Variants in NF1 observed in about 807,000 individuals in gnomAD.
The protein encoded by NF1 is neurofibromin 1.
Under a neutral mutation model 325.7 loss-of-function variants are expected in NF1, and 122 were observed. The observed-to-expected ratio is 0.37, with a 90% CI of 0.32 to 0.44. NF1 has a LOEUF of 0.44. NF1 is among the 20% of genes least tolerant of loss of function. The pLI, the probability that NF1 is intolerant of heterozygous loss-of-function variation, is 1.00. For missense variants in NF1, 2,140 were observed against 3,415.4 expected (o/e 0.63, Z 9.31); for synonymous variants, 1,091 against 1,186.0 (o/e 0.92, Z 1.65).
At chr17:31,277,795 C>T (rs1266487566) in intron 36 of NF1, among the ~76,000 whole-genome samples, 1 of 152,230 alleles carries the variant, frequency 6.6e-6, no homozygotes, top group Non-Finnish European at 1.5e-5. Flanking sequence ...TGTCTGCTTT[C>T]TGCTAACTGC....
chr17:31,105,888 G>A (rs962040518), intron 1 of NF1, among the ~76,000 whole-genome samples: 2 of 152,112 alleles, frequency 1.3e-5, no homozygotes, highest in African/African-American at 4.8e-5. Context: ...CCAGCAGAGT[G>A]GTATATCTAG....
chr17:31,101,422 A>C (rs993713572), intron 1 of NF1, among the ~76,000 whole-genome samples: 3 of 152,152 alleles, frequency 2.0e-5, no homozygotes, highest in Admixed American at 6.5e-5. Flanking sequence ...TGGCTAGAAA[A>C]TCTTTTAGAT....
intron 13 of NF1, among the ~76,000 whole-genome samples, chr17:31,216,424 C>G (rs767351141): frequency 1.3e-5 from 2 of 152,118 alleles, no homozygotes; most frequent in African/African-American, 4.8e-5. Context: ...ACCATTTTGT[C>G]TTTTACATAA....
rs17881842 is a variant in NF1, at chr17:31,232,342, AT to A, written c.3314+157del. ...TAAAGAAAGTAATATGATCAGTGAAATTTTGCTTATAATAAAACCCAGATTG... is the reference window on the plus strand; with the variant it reads ...TAAAGAAAGTAATATGATCAGTGAAATTTGCTTATAATAAAACCCAGATTG... On this transcript the variant is annotated intron_variant, in intron 25 of 57. Coordinates refer to ENST00000358273, the MANE Select transcript of NF1 (RefSeq NM_001042492.3). 0.025 allele frequency among the ~76,000 whole-genome samples: 3,787 copies of A among 152,154 alleles called. 68 individuals are homozygous for A. The highest frequency in any genetic ancestry group is 0.037 in the Middle Eastern group (11 of 294).
At chr17:31,110,911 C>T (rs536916187) in intron 1 of NF1, among the ~76,000 whole-genome samples, 11 of 151,430 alleles carry the variant, frequency 7.3e-5, no homozygotes, top group East Asian at 1.9e-4. Flanking sequence ...AAAACAAAAA[C>T]AAAAAAAACC....
chr17:31,331,099 C>T (rs2069474716), intron 39 of NF1: 1 of 151,962 alleles, frequency 6.6e-6, no homozygotes, highest in African/African-American at 2.4e-5. Flanking sequence ...CTTCCCTTTC[C>T]TTTCCCTGTA....
chr17:31,174,957 A>C (rs1463596316), intron 5 of NF1, among the ~76,000 whole-genome samples: 1 of 151,884 alleles, frequency 6.6e-6, no homozygotes, highest in Non-Finnish European at 1.5e-5. Flanking sequence ...AAAAATACAA[A>C]AATTAGCTGG....
rs377165136 is a variant in NF1, at chr17:31,206,194, C to A, written c.1261-46C>A. The A allele has an allele frequency of 1.7e-5, 28 of 1,608,814 alleles. No individual in the cohort carries two copies. In the South Asian group the frequency reaches 2.6e-4, roughly 15 times the overall value. Reference sequence around the variant, plus strand: ...AGTGATAAACAGAGCATACAACTCACGTAATTTTGTACTTTTTCTTCCTAT... The same window carrying A: ...AGTGATAAACAGAGCATACAACTCAAGTAATTTTGTACTTTTTCTTCCTAT... On this transcript the variant is annotated intron_variant, in intron 11 of 57. Coordinates refer to ENST00000358273, the MANE Select transcript of NF1 (RefSeq NM_001042492.3).
intron 31 of NF1, among the ~76,000 whole-genome samples, chr17:31,254,500 C>T (rs1292134110): frequency 1.3e-5 from 2 of 152,022 alleles, no homozygotes; most frequent in Non-Finnish European, 2.9e-5. Flanking sequence ...GTTTCTAATG[C>T]TTCAGCCTTC....
intron 36 of NF1, among the ~76,000 whole-genome samples, chr17:31,288,360 A>C (rs1460939091): frequency 2.0e-5 from 3 of 152,112 alleles, no homozygotes; most frequent in Non-Finnish European, 4.4e-5. Flanking sequence ...AATCTGCTTA[A>C]CACATTATTA....
intron 38 of NF1, 55 bp from the exon 39 acceptor site, chr17:31,330,241 T>C (rs2069446256): frequency 6.7e-7 from 1 of 1,489,934 alleles, no homozygotes; most frequent in South Asian, 1.1e-5. Context: ...GAAAAAATTT[T>C]GGAACTATAA....
chr17:31,296,612 A>G, intron 36 of NF1: 1 of 407,588 alleles, frequency 2.5e-6, no homozygotes, highest in Non-Finnish European at 4.6e-6. Flanking sequence ...TTCTAACCAT[A>G]TTCTTTCTTA....
chr17:31,353,997 G>A (rs1480339598), intron 51 of NF1, among the ~76,000 whole-genome samples: 1 of 152,190 alleles, frequency 6.6e-6, no homozygotes, highest in Non-Finnish European at 1.5e-5. Flanking sequence ...TAATCATTTA[G>A]GAGTTTCCTG....
intron 24 of NF1, 64 bp from the exon 25 acceptor site, chr17:31,232,009 A>C: frequency 1.1e-6 from 1 of 917,990 alleles, no homozygotes; most frequent in Non-Finnish European, 1.7e-6. Flanking sequence ...ATTTGAGGGG[A>C]AGTGAAAGAA....
In NF1 at chr17:31,205,402, G is replaced by A. The variant is rs527685072; in HGVS notation, c.1261-838G>A. 5.3e-5 allele frequency among the ~76,000 whole-genome samples: 8 copies of A among 152,194 alleles called. No homozygotes were observed. The East Asian group carries it at 1.3e-3, about 26-fold the overall frequency. On this transcript the variant is annotated intron_variant, in intron 11 of 57. Transcript: ENST00000358273. ...GTCATTTAATGCATAGTCTACATAT[G>A]TAGTGAAAATTCATCCAGTCAGTTT...
intron 56 of NF1, chr17:31,359,321 A>G: frequency 2.7e-6 from 1 of 375,260 alleles, no homozygotes; most frequent in Non-Finnish European, 4.9e-6. Flanking sequence ...CTTAATGCAC[A>G]CAGTTAGATA....
At chr17:31,248,644 C>G (rs1361209960) in intron 29 of NF1, among the ~76,000 whole-genome samples, 1 of 152,118 alleles carries the variant, frequency 6.6e-6, no homozygotes, top group Non-Finnish European at 1.5e-5. Context: ...AAGTGATTCT[C>G]CTGCCTCAGC....
At position 31,229,315 on chromosome 17, in the gene NF1, C is replaced by G; in HGVS notation, c.2700C>G (p.Ser900=). ...PVSKFMDRLL[S]LMVCNHEKVG... ...GCAAATTTATGGATCGGCTGTTGTCCTTAATGGTGTGTAACCATGAGAAAG... is the reference window on the plus strand; with the variant it reads ...GCAAATTTATGGATCGGCTGTTGTCGTTAATGGTGTGTAACCATGAGAAAG... The change falls in exon 21 of 58, where the codon TCC becomes TCG. Residue 900 remains serine, a synonymous_variant. Transcript: ENST00000358273. 6.2e-7 allele frequency: 1 copy of G among 1,613,934 alleles called. No homozygotes were observed.
chr17:31,342,575 A>G (rs1320040353), intron 47 of NF1, among the ~76,000 whole-genome samples: 1 of 152,108 alleles, frequency 6.6e-6, no homozygotes, highest in Non-Finnish European at 1.5e-5. Context: ...GCGACAGAGT[A>G]AGACTCCATC....
Sources: allele counts gnomAD v4.1 joint callset (sites outside exome capture counted in the v4.1 genomes callset), GRCh38; gene constraint gnomAD v4.1.1; transcripts MANE v1.5; gene names NCBI Gene and HGNC (gene_info 2026-07-23, HGNC 2026-07-21).